PTPRO: variants seen among roughly 807,000 people sequenced by gnomAD.
PTPRO encodes the protein protein tyrosine phosphatase receptor type O.
A neutral mutation model predicts 145.2 loss-of-function variants in PTPRO; 62 were observed. That is an observed-to-expected ratio of 0.43 (90% confidence interval 0.35 to 0.53). PTPRO has a LOEUF of 0.53. PTPRO is among the 20% of genes least tolerant of loss of function. The probability of loss-of-function intolerance (pLI) is 0.01; values close to 1 mark genes in which losing one functional copy is unlikely to be tolerated. For synonymous variants in PTPRO, 565 were observed against 514.7 expected (o/e 1.10, Z -1.32); for missense variants, 1,345 against 1,482.7 (o/e 0.91, Z 1.53).
At chr12:15,440,179 C>T in intron 1 of PTPRO, 1 of 690,552 alleles carries the variant, frequency 1.4e-6, no homozygotes, top group East Asian at 2.8e-5. Context: ...TGGCTGGTAT[C>T]AATGACTGCT....
intron 13 of PTPRO, among the ~76,000 whole-genome samples, chr12:15,546,959 T>C (rs540923707): frequency 6.6e-6 from 1 of 152,280 alleles, no homozygotes; most frequent in Admixed American, 6.5e-5. Flanking sequence ...GGAATAAAGG[T>C]AGTAGGCCAT....
At chr12:15,428,674 A>G (rs182085825) in intron 1 of PTPRO, among the ~76,000 whole-genome samples, 1 of 152,294 alleles carries the variant, frequency 6.6e-6, no homozygotes, top group Admixed American at 6.5e-5. Context: ...GTTTCAAATA[A>G]GATAGAATTT....
At chr12:15,527,200 T>C (rs1026209750) in intron 12 of PTPRO, among the ~76,000 whole-genome samples, 1 of 152,228 alleles carries the variant, frequency 6.6e-6, no homozygotes, top group African/African-American at 2.4e-5. Flanking sequence ...TCCAGAGCCA[T>C]AGAGAAGTGA....
At chr12:15,359,013 C>A (rs1938087755) in intron 1 of PTPRO, among the ~76,000 whole-genome samples, 1 of 152,184 alleles carries the variant, frequency 6.6e-6, no homozygotes, top group South Asian at 2.1e-4. Flanking sequence ...ATTGTGCACT[C>A]AAACTTGAAT....
chr12:15,447,650 C>A (rs922579297), intron 1 of PTPRO, among the ~76,000 whole-genome samples: 82 of 152,298 alleles, frequency 5.4e-4, no homozygotes, highest in African/African-American at 1.9e-3. Context: ...AACATAGATT[C>A]TTGAATTTGC....
intron 24 of PTPRO, chr12:15,587,317 T>C: frequency 2.2e-6 from 1 of 452,014 alleles, no homozygotes; most frequent in Non-Finnish European, 4.0e-6. Context: ...TTCACACAAG[T>C]TCATGCAACT....
At chr12:15,404,704 T>G (rs1856103614) in intron 1 of PTPRO, among the ~76,000 whole-genome samples, 2 of 152,232 alleles carry the variant, frequency 1.3e-5, no homozygotes, top group South Asian at 4.1e-4. Flanking sequence ...GACTCATGTT[T>G]GGTAGAATCT....
chr12:15,453,549 G>A (rs1941100020), intron 1 of PTPRO, among the ~76,000 whole-genome samples: 1 of 152,100 alleles, frequency 6.6e-6, no homozygotes, highest in Non-Finnish European at 1.5e-5. Context: ...TCTATAGCAA[G>A]CATAATCTAG....
intron 1 of PTPRO, among the ~76,000 whole-genome samples, chr12:15,468,536 G>A (rs1941468579): frequency 6.6e-6 from 1 of 152,186 alleles, no homozygotes; most frequent in Admixed American, 6.6e-5. Context: ...ACTCTTACCA[G>A]CCCATAGGTC....
chr12:15,483,881 A>T lies in PTPRO; in HGVS notation c.76-93A>T, dbSNP rs192810718. Reference sequence around the variant, plus strand: ...CATAAACATAACTAATGTTTATGATACACAACAATATGTAAAAATTATCTT... The same window carrying T: ...CATAAACATAACTAATGTTTATGATTCACAACAATATGTAAAAATTATCTT... On this transcript the variant is annotated intron_variant, in intron 1 of 26. Transcript: ENST00000281171. 28 of 1,358,054 alleles carry T rather than the reference A, an allele frequency of 2.1e-5. No individual in the cohort carries two copies. In the East Asian group the frequency reaches 3.7e-4, roughly 18 times the overall value. 84.1% of individuals were successfully genotyped at this position (1,358,054 alleles called of 1,614,324 possible). A position where few individuals can be genotyped will look rare whatever the true frequency, so the allele number is the denominator to read the frequency against.
intron 3 of PTPRO, among the ~76,000 whole-genome samples, chr12:15,498,466 G>A (rs1339429561): frequency 6.6e-6 from 1 of 152,132 alleles, no homozygotes; most frequent in Non-Finnish European, 1.5e-5. Context: ...GCTGAGGCAG[G>A]AGAATCCCTT....
chr12:15,554,433 C>T (rs1031031946), intron 15 of PTPRO, among the ~76,000 whole-genome samples: 74 of 150,570 alleles, frequency 4.9e-4, no homozygotes, highest in Non-Finnish European at 1.6e-4. Flanking sequence ...TATATATCTC[C>T]TATTATATAT....
intron 1 of PTPRO, among the ~76,000 whole-genome samples, chr12:15,431,290 G>C (rs1218068243): frequency 6.6e-6 from 1 of 152,200 alleles, no homozygotes; most frequent in East Asian, 1.9e-4. Flanking sequence ...AACAGTGAGG[G>C]TCATCCCTCT....
chr12:15,538,413 TG>T (rs1014433837), intron 12 of PTPRO, among the ~76,000 whole-genome samples: 2 of 152,196 alleles, frequency 1.3e-5, no homozygotes, highest in Non-Finnish European at 2.9e-5. Flanking sequence ...TTAGTAGAGA[TG>T]GGGTTTCACC....
intron 22 of PTPRO, 148 bp from the exon 23 acceptor site, chr12:15,581,531 G>A (rs746931566): frequency 7.8e-5 from 70 of 901,228 alleles, no homozygotes; most frequent in Non-Finnish European, 1.1e-4. Context: ...TTCACACTAC[G>A]TAGCAGAAAT....
At chr12:15,441,682 T>A (rs1391234236) in intron 1 of PTPRO, among the ~76,000 whole-genome samples, 2 of 151,958 alleles carry the variant, frequency 1.3e-5, no homozygotes, top group Non-Finnish European at 2.9e-5. Context: ...TTACAACTGA[T>A]CCCACCAAAA....
chr12:15,322,689 T>C lies in PTPRO; in HGVS notation c.-38T>C, dbSNP rs1271605466. 3 of 1,575,868 alleles carry C rather than the reference T, an allele frequency of 1.9e-6. No individual in the cohort carries two copies. The East Asian group carries it at 6.8e-5, about 36-fold the overall frequency. On this transcript the variant is annotated 5_prime_UTR_variant, in exon 1 of 27. Coordinates refer to ENST00000281171, the MANE Select transcript of PTPRO (RefSeq NM_030667.3). The surrounding 1 kb of genome is among the most constrained non-coding windows in gnomAD (Gnocchi z 6.3). ...GTGAGCCGCCGCCGGGGGAGTCCGC[T>C]AGCGCAGCCGTGCCCCCGAGTCCCC...
intron 1 of PTPRO, among the ~76,000 whole-genome samples, chr12:15,331,117 A>G (rs1201390006): frequency 6.6e-6 from 1 of 152,138 alleles, no homozygotes; most frequent in Non-Finnish European, 1.5e-5. Context: ...TGTTAATTTC[A>G]GGCAAATAAG....
At position 15,508,653 on chromosome 12, in the gene PTPRO, G is replaced by A. The variant is rs1367369894; in HGVS notation, c.1350G>A (p.Leu450=). Reference sequence around the variant, plus strand: ...ACGTTTTAAGCTCAACCACTGCCTTGATGTCCTGGACATCTTCCCAAGAGA... The same window carrying A: ...ACGTTTTAAGCTCAACCACTGCCTTAATGTCCTGGACATCTTCCCAAGAGA... ...SVHVLSSTTA[L]MSWTSSQENY... is the part of the protein sequence containing the mutation. The change falls in exon 7 of 27, where the codon TTG becomes TTA. Residue 450 remains leucine (L), a synonymous_variant. Transcript: ENST00000281171. 1 of 1,614,096 alleles carries A rather than the reference G, an allele frequency of 6.2e-7. No individual in the cohort carries two copies. Among genetic ancestry groups the A allele is most frequent in the Non-Finnish European group, 8.5e-7 (1 of 1,179,996 alleles).
Sources: gnomAD v4.1 joint callset for allele counts (sites outside exome capture counted in the v4.1 genomes callset) on GRCh38, gnomAD v4.1.1 for gene constraint, Gnocchi (gnomAD v3.1) non-coding constraint, MANE v1.5 for transcripts, NCBI Gene and HGNC (gene_info 2026-07-23, HGNC 2026-07-21) for gene names.